The following ATXN1 variants were observed in gnomAD, a reference collection of about 807,000 sequenced individuals.
The protein encoded by ATXN1 is ataxin 1.
Under a neutral mutation model 56.4 loss-of-function variants are expected in ATXN1, and 8 were observed. The ratio of observed to expected loss-of-function variants is 0.14; its 90% CI spans 0.08 to 0.26. The LOEUF (loss-of-function observed/expected upper bound fraction) is 0.26. Ranked by LOEUF, ATXN1 falls within the 10% of genes least tolerant of loss-of-function variation. ATXN1 has a pLI of 1.00. For synonymous variants in ATXN1, 514 were observed against 494.6 expected (o/e 1.04, Z -0.52); for missense variants, 987 against 1,106.5 (o/e 0.89, Z 1.53).
chr6:16,468,380 G>A (rs372891002), intron 6 of ATXN1, among the ~76,000 whole-genome samples: 7 of 152,076 alleles, frequency 4.6e-5, no homozygotes, highest in Non-Finnish European at 2.9e-5. Context: ...TAGTAGAGAC[G>A]GGGTTTCACT....
At chr6:16,655,932 A>C (rs1401526024) in intron 3 of ATXN1, among the ~76,000 whole-genome samples, 1 of 151,858 alleles carries the variant, frequency 6.6e-6, no homozygotes, top group Admixed American at 6.6e-5. Context: ...TCTACTAAAA[A>C]TACAAAAATT....
At chr6:16,370,354 G>T (rs945152147) in intron 6 of ATXN1, among the ~76,000 whole-genome samples, 1 of 152,162 alleles carries the variant, frequency 6.6e-6, no homozygotes, top group African/African-American at 2.4e-5. Context: ...AGATCTAAAA[G>T]CTACAGATTT....
At chr6:16,382,826 G>C (rs2113508670) in intron 6 of ATXN1, among the ~76,000 whole-genome samples, 1 of 141,324 alleles carries the variant, frequency 7.1e-6, no homozygotes, top group East Asian at 2.1e-4. Flanking sequence ...CAGCTGATGA[G>C]CTAAAAAAAA....
intron 6 of ATXN1, among the ~76,000 whole-genome samples, chr6:16,329,457 C>G (rs963507531): frequency 1.3e-5 from 2 of 152,130 alleles, no homozygotes; most frequent in African/African-American, 4.8e-5. Flanking sequence ...AGAAATAATC[C>G]TGTTCTCTGC....
intron 3 of ATXN1, among the ~76,000 whole-genome samples, chr6:16,650,214 T>C (rs918849983): frequency 6.6e-6 from 1 of 152,190 alleles, no homozygotes; most frequent in Middle Eastern, 3.2e-3. Context: ...ATAGTATGTT[T>C]AAGAAGAAAA....
chr6:16,302,453 C>G lies in ATXN1; in HGVS notation c.*3876G>C, dbSNP rs1760132115. On this transcript the variant is annotated 3_prime_UTR_variant, in exon 8 of 8. Transcript: ENST00000436367. ...AAAGTTGACCAACATAGAAAATTAT[C>G]CTGAAAGTCCAAATGAAAATTCAAT... 2 of 152,606 alleles carry G rather than the reference C, an allele frequency of 1.3e-5. No homozygotes were observed. Among genetic ancestry groups the G allele is most frequent in the African/African-American group, 4.8e-5 (2 of 41,446 alleles). The allele number at this position is 152,606 out of a possible 1,614,324, so 9.5% of individuals were successfully genotyped here.
At chr6:16,734,425 A>T (rs1046065068) in intron 2 of ATXN1, among the ~76,000 whole-genome samples, 2 of 152,220 alleles carry the variant, frequency 1.3e-5, no homozygotes, top group Non-Finnish European at 2.9e-5. Flanking sequence ...GAGAGATGAA[A>T]AAGTAGGGAA....
Position 16,424,614 on chromosome 6 carries a change from CTG to C in ATXN1, c.-161+61356_-161+61357del, listed in dbSNP as rs1228602486. On this transcript the variant is annotated intron_variant, in intron 6 of 7. Coordinates refer to ENST00000436367, the MANE Select transcript of ATXN1 (RefSeq NM_001128164.2). Reference sequence around the variant, plus strand: ...CAACTGGAATTCTCCATTGCTGTCTCTGTCTGCCCTGCTACTCAGAAGACGGT... The same window carrying C: ...CAACTGGAATTCTCCATTGCTGTCTCTCTGCCCTGCTACTCAGAAGACGGT... Among the ~76,000 whole-genome samples, 7 of 152,344 alleles carry C rather than the reference CTG, an allele frequency of 4.6e-5. No individual in the cohort carries two copies. The East Asian group carries it at 1.3e-3, about 29-fold the overall frequency.
intron 6 of ATXN1, among the ~76,000 whole-genome samples, chr6:16,390,392 A>T (rs1045163247): frequency 2.6e-5 from 4 of 152,048 alleles, no homozygotes; most frequent in Non-Finnish European, 5.9e-5. Context: ...GCATGCAAGC[A>T]TCTTTCTCTC....
chr6:16,411,900 G>T (rs1758807503), intron 6 of ATXN1, among the ~76,000 whole-genome samples: 1 of 152,244 alleles, frequency 6.6e-6, no homozygotes, highest in South Asian at 2.1e-4. Context: ...TAATATGTAT[G>T]TCTTATCTCC....
chr6:16,551,366 T>C (rs1402242689), intron 4 of ATXN1, among the ~76,000 whole-genome samples: 1 of 152,214 alleles, frequency 6.6e-6, no homozygotes, highest in African/African-American at 2.4e-5. Context: ...TTTCACGATC[T>C]GAATTCATGA....
At chr6:16,372,922 TAAATAAATAAATAAAC>T (rs1290414133) in intron 6 of ATXN1, among the ~76,000 whole-genome samples, 1 of 141,974 alleles carries the variant, frequency 7.0e-6, no homozygotes, top group Non-Finnish European at 1.5e-5. Context: ...TCAAAATAAA[TAAATAAATAAATAAAC>T]AAACAAACAA....
At chr6:16,702,858 T>A (rs980723062) in intron 2 of ATXN1, among the ~76,000 whole-genome samples, 1 of 152,196 alleles carries the variant, frequency 6.6e-6, no homozygotes, top group African/African-American at 2.4e-5. Flanking sequence ...TGTGGAGACA[T>A]AGGAACATTT....
rs186744890 is a variant in ATXN1, at chr6:16,437,236, G to C, written c.-161+48736C>G. ...GAGGCTCTCTCACATTTGGAAACCA[G>C]AGGCTGCTACTTTCCGCTACTTTCC... On this transcript the variant is annotated intron_variant, in intron 6 of 7. Transcript: ENST00000436367. Among the ~76,000 whole-genome samples the C allele has an allele frequency of 2.0e-4, 30 of 152,334 alleles. No homozygotes were observed. In the East Asian group the frequency reaches 3.7e-3, roughly 19 times the overall value.
At chr6:16,672,268 G>A (rs1257694568) in intron 2 of ATXN1, among the ~76,000 whole-genome samples, 1 of 151,824 alleles carries the variant, frequency 6.6e-6, no homozygotes, top group African/African-American at 2.4e-5. Context: ...TCCTCCAAAT[G>A]TTTTCTGTGT....
chr6:16,344,022 C>T lies in ATXN1; in HGVS notation c.-160-15552G>A, dbSNP rs190172677. 3.7e-3 allele frequency among the ~76,000 whole-genome samples: 571 copies of T among 152,284 alleles called. 3 individuals are homozygous for T. The highest frequency in any genetic ancestry group is 0.013 in the African/African-American group (521 of 41,542). ...CTCGAGCGTGCGCATCACATTCACC[C>T]GGAGTTCCCAGATGCTGCTGATGCT... On this transcript the variant is annotated intron_variant, in intron 6 of 7. Transcript: ENST00000436367.
Position 16,326,243 on chromosome 6 carries a change from T to C in ATXN1, c.1917+151A>G, listed in dbSNP as rs1169421681. 5.0e-6 allele frequency: 7 copies of C among 1,405,678 alleles called. No homozygotes were observed. The highest frequency in any genetic ancestry group is 6.5e-6 in the Non-Finnish European group (7 of 1,072,746). 87.1% of individuals were successfully genotyped at this position (1,405,678 alleles called of 1,614,324 possible). A position where few individuals can be genotyped will look rare whatever the true frequency, so the allele number is the denominator to read the frequency against. On this transcript the variant is annotated intron_variant, in intron 7 of 7. Transcript: ENST00000436367. This position sits in a 1 kb window ranked among gnomAD's most constrained non-coding sequence, Gnocchi z 6.6. ...ACGGGGAAATGGGGCTTATTTTTTC[T>C]AGAGAACGCAGTTGGGAAAGGCCGA...
chr6:16,365,553 T>G (rs570037623), intron 6 of ATXN1, among the ~76,000 whole-genome samples: 1 of 152,338 alleles, frequency 6.6e-6, no homozygotes, highest in East Asian at 1.9e-4. Flanking sequence ...ATTTGGGGGC[T>G]TAACACCCCT....
chr6:16,565,495 GT>G (rs1413754306), intron 4 of ATXN1, among the ~76,000 whole-genome samples: 3 of 152,036 alleles, frequency 2.0e-5, no homozygotes, highest in African/African-American at 7.2e-5. Context: ...AAAATCAACA[GT>G]GTTTTTAAAG....
Sources: allele counts gnomAD v4.1 joint callset (sites outside exome capture counted in the v4.1 genomes callset), GRCh38; gene constraint gnomAD v4.1.1; non-coding constraint Gnocchi (gnomAD v3.1); transcripts MANE v1.5; gene names NCBI Gene and HGNC (gene_info 2026-07-23, HGNC 2026-07-21).